The following TMC1 variants were observed in gnomAD, a reference collection of about 807,000 sequenced individuals.
TMC1 encodes transmembrane channel like 1, also known as transmembrane channel-like protein 1.
In TMC1, 84 loss-of-function variants were observed where a neutral mutation model predicts 105.8. The ratio of observed to expected loss-of-function variants is 0.79; its 90% CI spans 0.67 to 0.95. The LOEUF (loss-of-function observed/expected upper bound fraction) is 0.95. Ranked by LOEUF, TMC1 falls within the 40% of genes least tolerant of loss-of-function variation. The pLI is 0.00. For synonymous variants in TMC1, 315 were observed against 311.5 expected (o/e 1.01, Z -0.12); for missense variants, 817 against 914.1 (o/e 0.89, Z 1.37).
At chr9:72,580,544 C>G (rs1824458580) in intron 2 of TMC1, among the ~76,000 whole-genome samples, 1 of 146,074 alleles carries the variant, frequency 6.8e-6, no homozygotes, top group African/African-American at 2.7e-5. Context: ...TTCTCTAAAT[C>G]TGACAGTGAA....
intron 7 of TMC1, among the ~76,000 whole-genome samples, chr9:72,697,914 A>G (rs1459898599): frequency 2.0e-5 from 3 of 152,156 alleles, no homozygotes; most frequent in Non-Finnish European, 4.4e-5. Flanking sequence ...AAATATTTCA[A>G]TAAAACTGCT....
intron 20 of TMC1, among the ~76,000 whole-genome samples, chr9:72,825,093 G>A (rs565227428): frequency 5.6e-4 from 85 of 152,324 alleles, no homozygotes; most frequent in African/African-American, 2.0e-3. Flanking sequence ...GGATAGAGAA[G>A]TTTCCTCTCT....
intron 12 of TMC1, among the ~76,000 whole-genome samples, chr9:72,767,578 G>A (rs909182563): frequency 6.6e-6 from 1 of 152,184 alleles, no homozygotes; most frequent in African/African-American, 2.4e-5. Context: ...TTGAGTCCTG[G>A]TAACCATAAT....
chr9:72,656,424 C>T (rs1276306593), intron 5 of TMC1, among the ~76,000 whole-genome samples: 1 of 152,074 alleles, frequency 6.6e-6, no homozygotes. Context: ...TCATCCTATC[C>T]AGTATGTTTC....
At chr9:72,677,163 C>CACACACACAG (rs1234014518) in intron 5 of TMC1, among the ~76,000 whole-genome samples, 5 of 145,994 alleles carry the variant, frequency 3.4e-5, no homozygotes, top group African/African-American at 1.3e-4. Context: ...CACACACACA[C>CACACACACAG]AGGAACTGGT....
At chr9:72,591,978 G>C (rs1824646351) in intron 2 of TMC1, among the ~76,000 whole-genome samples, 1 of 152,152 alleles carries the variant, frequency 6.6e-6, no homozygotes, top group Non-Finnish European at 1.5e-5. Context: ...TGCTAGTTTA[G>C]AGATCACACT....
At chr9:72,754,668 C>G in intron 11 of TMC1, 118 bp from the exon 12 acceptor site, 1 of 769,194 alleles carries the variant, frequency 1.3e-6, no homozygotes, top group Non-Finnish European at 2.3e-6. Flanking sequence ...ACATGGAGAC[C>G]CAAAGAGTCC....
In TMC1 at chr9:72,706,399, T is replaced by G. The variant is rs1414644116; in HGVS notation, c.362+5756T>G. Among the ~76,000 whole-genome samples the G allele has an allele frequency of 2.0e-5, 3 of 152,244 alleles. No homozygotes were observed. The South Asian group carries it at 6.2e-4, about 31-fold the overall frequency. ...TATTTTCTTTTTTAAATTTTATATT[T>G]CCATAAGTTTTTGGGGAACAGGTGG... On this transcript the variant is annotated intron_variant, in intron 8 of 23. Transcript: ENST00000297784.
intron 2 of TMC1, among the ~76,000 whole-genome samples, chr9:72,614,745 A>G (rs1825093636): frequency 2.0e-5 from 3 of 152,104 alleles, no homozygotes; most frequent in Admixed American, 2.0e-4. Flanking sequence ...CAGTGGCGTG[A>G]TCTCGGTTCA....
intron 2 of TMC1, among the ~76,000 whole-genome samples, chr9:72,609,231 T>TCCTTCCTTCCTTCC (rs1587986942): frequency 2.0e-5 from 3 of 149,576 alleles, no homozygotes; most frequent in African/African-American, 4.9e-5. Context: ...CTTCCTTCCT[T>TCCTTCCTTCCTTCC]TTTGCTATTA....
At chr9:72,527,138 A>C (rs542359813) in intron 1 of TMC1, among the ~76,000 whole-genome samples, 2 of 152,286 alleles carry the variant, frequency 1.3e-5, no homozygotes, top group East Asian at 3.9e-4. Context: ...GAGCCCTCTA[A>C]AAGGCAGGGC....
intron 1 of TMC1, among the ~76,000 whole-genome samples, chr9:72,524,286 G>GA (rs1481176063): frequency 4.0e-5 from 6 of 151,676 alleles, no homozygotes; most frequent in African/African-American, 1.4e-4. Flanking sequence ...TCTCAAAAAG[G>GA]AAAAAAATAA....
At chr9:72,601,189 C>CAG (rs1564436585) in intron 2 of TMC1, among the ~76,000 whole-genome samples, 3 of 129,610 alleles carry the variant, frequency 2.3e-5, no homozygotes, top group African/African-American at 9.6e-5. Flanking sequence ...CACACACACA[C>CAG]ACACAGACAC....
chr9:72,602,366 A>ATTTTTT (rs66682329), intron 2 of TMC1, among the ~76,000 whole-genome samples: 1 of 86,552 alleles, frequency 1.2e-5, no homozygotes, highest in Non-Finnish European at 2.1e-5. Context: ...CCTATTGGTG[A>ATTTTTT]TTTTTTTTTT....
At position 72,558,049 on chromosome 9, in the gene TMC1, G is replaced by A. The variant is rs1426239790; in HGVS notation, c.-427-19853G>A. 2.0e-5 allele frequency among the ~76,000 whole-genome samples: 3 copies of A among 151,998 alleles called. No individual in the cohort carries two copies. In the East Asian group the frequency reaches 5.8e-4, roughly 29 times the overall value. ...TTCCCTGGCACTGTAAGGGCAGCCAGGAATAAAATAAAAATGCTTCTTCAG... is the reference window on the plus strand; with the variant it reads ...TTCCCTGGCACTGTAAGGGCAGCCAAGAATAAAATAAAAATGCTTCTTCAG... On this transcript the variant is annotated intron_variant, in intron 1 of 23. Coordinates refer to ENST00000297784, the MANE Select transcript of TMC1 (RefSeq NM_138691.3).
chr9:72,536,755 G>A (rs1194503853), intron 1 of TMC1, among the ~76,000 whole-genome samples: 1 of 152,210 alleles, frequency 6.6e-6, no homozygotes, highest in African/African-American at 2.4e-5. Context: ...TTTGCTGGGT[G>A]CAGCCCACGT....
At chr9:72,536,705 G>A (rs1033023156) in intron 1 of TMC1, among the ~76,000 whole-genome samples, 3 of 152,210 alleles carry the variant, frequency 2.0e-5, no homozygotes, top group Admixed American at 6.5e-5. Flanking sequence ...AGTAGTGTGA[G>A]GGGTGGGTCC....
At chr9:72,700,296 A>T (rs1826621133) in intron 7 of TMC1, among the ~76,000 whole-genome samples, 1 of 151,894 alleles carries the variant, frequency 6.6e-6, no homozygotes, top group South Asian at 2.1e-4. Context: ...AATGGCTTAG[A>T]TTCAGATTCA....
At chr9:72,826,818 T>C (rs1389740171) in intron 20 of TMC1, 51 bp from the exon 21 acceptor site, 1 of 1,601,526 alleles carries the variant, frequency 6.2e-7, no homozygotes, top group Non-Finnish European at 8.6e-7. Context: ...TTAACCATGG[T>C]TTTTCCATAT....
Sources: gnomAD v4.1 joint callset for allele counts (sites outside exome capture counted in the v4.1 genomes callset) on GRCh38, gnomAD v4.1.1 for gene constraint, MANE v1.5 for transcripts, NCBI Gene and HGNC (gene_info 2026-07-23, HGNC 2026-07-21) for gene names.